The following TUBA8 variants were observed in gnomAD, a reference collection of about 807,000 sequenced individuals.
TUBA8 encodes the protein tubulin alpha 8, also known as tubulin alpha-8 chain.
A neutral mutation model predicts 34.7 loss-of-function variants in TUBA8; 29 were observed. The ratio of observed to expected loss-of-function variants is 0.84; its 90% confidence interval spans 0.62 to 1.14. The LOEUF (loss-of-function observed/expected upper bound fraction) is 1.14. TUBA8 is among the 50% of genes most tolerant of loss of function. TUBA8 has a pLI of 0.00. For missense variants in TUBA8, 541 were observed against 599.2 expected, an observed-to-expected ratio of 0.90 and a Z score of 1.01; for synonymous variants, 226 against 231.2, an observed-to-expected ratio of 0.98 and a Z score of 0.21.
intron 1 of TUBA8, chr22:18,116,272 G>A (rs924631314): frequency 6.6e-6 from 1 of 152,208 alleles, no homozygotes; most frequent in Non-Finnish European, 1.5e-5. Flanking sequence ...TTTCCTGTTT[G>A]GAGTTCTGCT....
chr22:18,121,321 C>G lies in TUBA8; in HGVS notation c.4-158C>G. Reference sequence around the variant, plus strand: ...GTCTTCTTTGGATCTAAGTCCTGGTCCAGCTGCTATAGAGCTGGGGCACCT... The same window carrying G: ...GTCTTCTTTGGATCTAAGTCCTGGTGCAGCTGCTATAGAGCTGGGGCACCT... On this transcript the variant is annotated intron_variant, in intron 1 of 4. Coordinates refer to ENST00000330423, the MANE Select transcript of TUBA8 (RefSeq NM_018943.3). This position sits in a 1 kb window ranked among gnomAD's most constrained non-coding sequence, Gnocchi z 4.8. The G allele has an allele frequency of 1.5e-6, 1 of 663,134 alleles. No homozygotes were observed. The highest frequency in any genetic ancestry group is 1.8e-5 in the South Asian group (1 of 57,076). 41.1% of individuals were successfully genotyped at this position (663,134 alleles called of 1,614,324 possible).
At chr22:18,123,578 G>GT (rs376028231) in intron 2 of TUBA8, 197 of 152,156 alleles carry the variant, frequency 1.3e-3, no homozygotes, top group South Asian at 1.6e-3. Context: ...TTGCTGTTGT[G>GT]TTTTTTTTGG....
At chr22:18,127,583 T>C (rs71328267) in intron 4 of TUBA8, 12,599 of 151,026 alleles carry the variant, frequency 0.083, 580 homozygotes, top group South Asian at 0.2. Flanking sequence ...TTAGTAGAGA[T>C]GGGGTTTCAC....
At position 18,130,312 on chromosome 22, in the gene TUBA8, C is replaced by T. The variant is rs563971689; in HGVS notation, c.1057-531C>T. 5.4e-5 allele frequency: 9 copies of T among 165,186 alleles called. No homozygotes were observed. The South Asian group carries it at 7.8e-4, about 14-fold the overall frequency. The allele number at this position is 165,186 out of a possible 1,614,324, so 10.2% of individuals were successfully genotyped here. Reference sequence around the variant, plus strand: ...ACACATGTACCAGACACCTCCCACCCGCTCCTAATGTCGCTCGTGACTCTC... The same window carrying T: ...ACACATGTACCAGACACCTCCCACCTGCTCCTAATGTCGCTCGTGACTCTC... On this transcript the variant is annotated intron_variant, in intron 4 of 4. Transcript: ENST00000330423.
At chr22:18,127,693 T>TA (rs1491111546) in intron 4 of TUBA8, 1 of 69,590 alleles carries the variant, frequency 1.4e-5, no homozygotes, top group Non-Finnish European at 2.3e-5. Flanking sequence ...GTGCCCGGAC[T>TA]TTTTTTTTTT....
chr22:18,114,457 T>C (rs1927904836), intron 1 of TUBA8: 1 of 152,266 alleles, frequency 6.6e-6, no homozygotes, highest in South Asian at 2.1e-4. Context: ...TTGTTTTTGC[T>C]GTGTCTGGCT....
At chr22:18,128,844 G>C (rs987058744) in intron 4 of TUBA8, 1 of 152,298 alleles carries the variant, frequency 6.6e-6, no homozygotes, top group Non-Finnish European at 1.5e-5. Flanking sequence ...ACCAAGCCTG[G>C]CCCCTAGTCA....
chr22:18,125,968 C>T, intron 3 of TUBA8: 1 of 282,178 alleles, frequency 3.5e-6, no homozygotes, highest in Non-Finnish European at 6.8e-6. Context: ...CTCAAGTGAT[C>T]CTCCCACCTC....
Position 18,124,619 on chromosome 22 carries a change from A to G in TUBA8, c.375+315A>G. 1 of 278,140 alleles carries G rather than the reference A, an allele frequency of 3.6e-6. No homozygotes were observed. Among genetic ancestry groups the G allele is most frequent in the Non-Finnish European group, 6.8e-6 (1 of 146,270 alleles). The allele number at this position is 278,140 out of a possible 1,614,324, so 17.2% of individuals were successfully genotyped here. A position where few individuals can be genotyped will look rare whatever the true frequency, so the allele number is the denominator to read the frequency against. ...TGCTGGTCGGAAACACAGGTTAACAAAGCATTTAACTTGGAAGAGGAGAGG... is the reference window on the plus strand; with the variant it reads ...TGCTGGTCGGAAACACAGGTTAACAGAGCATTTAACTTGGAAGAGGAGAGG... On this transcript the variant is annotated intron_variant, in intron 3 of 4. Coordinates refer to ENST00000330423, the MANE Select transcript of TUBA8 (RefSeq NM_018943.3). This position sits in a 1 kb window ranked among gnomAD's most constrained non-coding sequence, Gnocchi z 4.3.
chr22:18,116,749 C>T (rs553997118), intron 1 of TUBA8: 3 of 152,372 alleles, frequency 2.0e-5, no homozygotes, highest in South Asian at 4.1e-4. Context: ...ACTTCCAGGC[C>T]GAAGGCTGGG....
rs1928352147 is a variant in TUBA8 at position 18,127,004 on chromosome 22, G to A, written c.1026G>A (p.Gln342=). The change falls in exon 4 of 5, where the codon CAG becomes CAA. Residue 342 remains glutamine (Q), a synonymous_variant. Coordinates refer to ENST00000330423, the MANE Select transcript of TUBA8 (RefSeq NM_018943.3). ...IAAIKTKRTI[Q]FVDWCPTGFK... is the part of the protein sequence containing the mutation. ...CCATCAAGACCAAGAGGACCATCCA[G>A]TTTGTAGACTGGTGTCCCACAGGCT... 1.9e-6 allele frequency: 3 copies of A among 1,614,150 alleles called. No homozygotes were observed. The East Asian group carries it at 6.7e-5, about 36-fold the overall frequency.
Position 18,121,575 on chromosome 22 carries a change from G to C in TUBA8, c.100G>C (p.Gly34Arg). Residue 34 changes from glycine to arginine, a missense_variant, in exon 2 of 5, where the codon GGC (glycine) becomes CGC (arginine). Transcript: ENST00000330423. This position sits in a 1 kb window ranked among gnomAD's most constrained non-coding sequence, Gnocchi z 4.8. ...CCTGGAACACGGCATCCAGGCAGACGGCACTTTTGATGCTCAAGCTAGCAA... is the reference window on the plus strand; with the variant it reads ...CCTGGAACACGGCATCCAGGCAGACCGCACTTTTGATGCTCAAGCTAGCAA... ...FCLEHGIQAD[G>R]TFDAQASKIN... 3.7e-6 allele frequency: 6 copies of C among 1,614,206 alleles called. No homozygotes were observed. Among genetic ancestry groups the C allele is most frequent in the Non-Finnish European group, 5.1e-6 (6 of 1,180,034 alleles).
chr22:18,126,373 T>C lies in TUBA8; in HGVS notation c.395T>C (p.Leu132Pro), dbSNP rs1286210538. ...IRKLTDACSGLQGFLIFHSFG... is the reference protein window; with the variant it reads ...IRKLTDACSGPQGFLIFHSFG... ...CCCTAGACAGATGCTTGCTCTGGCC[T>C]GCAGGGCTTCCTGATTTTCCACAGT... Residue 132 changes from leucine (L) to proline (P), a missense_variant, in exon 4 of 5, where the codon CTG (leucine) becomes CCG (proline). By Grantham distance (98) the Leu-to-Pro change is moderately conservative. Transcript: ENST00000330423. The surrounding 1 kb of genome is among the most constrained non-coding windows in gnomAD (Gnocchi z 4.0). 1.4e-5 allele frequency: 23 copies of C among 1,614,222 alleles called. No homozygotes were observed. Among genetic ancestry groups the C allele is most frequent in the Non-Finnish European group, 1.9e-5 (22 of 1,180,034 alleles).
At chr22:18,130,372 T>G (rs1022372191) in intron 4 of TUBA8, 2 of 191,686 alleles carry the variant, frequency 1.0e-5, no homozygotes, top group African/African-American at 4.7e-5. Flanking sequence ...ATACCAGCCC[T>G]GTCCTCCTTC....
chr22:18,121,507 A>G lies in TUBA8; in HGVS notation c.32A>G (p.Gln11Arg). 3 of 1,614,192 alleles carry G rather than the reference A, an allele frequency of 1.9e-6. No homozygotes were observed. Among genetic ancestry groups the G allele is most frequent in the Non-Finnish European group, 2.5e-6 (3 of 1,180,040 alleles). Residue 11 changes from glutamine (Q) to arginine (R), a missense_variant, in exon 2 of 5, where the codon CAA becomes CGA. Gln to Arg is a conservative substitution (Grantham distance 43). Transcript: ENST00000330423. This position sits in a 1 kb window ranked among gnomAD's most constrained non-coding sequence, Gnocchi z 4.8. ...GAATGCATATCAGTCCACGTGGGCC[A>G]AGCGGGAGTTCAGATTGGCAATGCC... MRECISVHVG[Q>R]AGVQIGNACW...
At position 18,111,147 on chromosome 22, in the gene TUBA8, G is replaced by A; in HGVS notation, c.3+279G>A. On this transcript the variant is annotated intron_variant, in intron 1 of 4. Coordinates refer to ENST00000330423, the MANE Select transcript of TUBA8 (RefSeq NM_018943.3). The surrounding 1 kb of genome is among the most constrained non-coding windows in gnomAD (Gnocchi z 5.1). ...GGGGGAGGGAGGCCCTGGGGAGCCC[G>A]ACGGAGAAGGGGGCGAGATTCTGGG... 2 of 569,402 alleles carry A rather than the reference G, an allele frequency of 3.5e-6. No homozygotes were observed. Among genetic ancestry groups the A allele is most frequent in the South Asian group, 4.4e-5 (2 of 45,090 alleles). 35.3% of individuals were successfully genotyped at this position (569,402 alleles called of 1,614,324 possible). A position where few individuals can be genotyped will look rare whatever the true frequency, so the allele number is the denominator to read the frequency against.
In TUBA8 at chr22:18,121,370, T is replaced by TG; in HGVS notation, c.4-103dup. On this transcript the variant is annotated intron_variant, in intron 1 of 4. Coordinates refer to ENST00000330423, the MANE Select transcript of TUBA8 (RefSeq NM_018943.3). This position sits in a 1 kb window ranked among gnomAD's most constrained non-coding sequence, Gnocchi z 4.8. ...CTGCAGCCTCAACGCCAACTGGCAA[T>TG]GGGGGGCTGGGGCCTGGCTGGCCTG... 1 of 965,104 alleles carries TG rather than the reference T, an allele frequency of 1.0e-6. No individual in the cohort carries two copies. The highest frequency in any genetic ancestry group is 1.7e-6 in the Non-Finnish European group (1 of 599,414). The allele number at this position is 965,104 out of a possible 1,614,324, so 59.8% of individuals were successfully genotyped here. A position where few individuals can be genotyped will look rare whatever the true frequency, so the allele number is the denominator to read the frequency against.
At chr22:18,125,453 T>C (rs1240508131) in intron 3 of TUBA8, 1 of 147,644 alleles carries the variant, frequency 6.8e-6, no homozygotes, top group Non-Finnish European at 1.5e-5. Flanking sequence ...AGGCGGAGTT[T>C]GCAGTGAACC....
chr22:18,115,294 T>G (rs1179586843), intron 1 of TUBA8: 1 of 152,446 alleles, frequency 6.6e-6, no homozygotes, highest in Non-Finnish European at 1.5e-5. Context: ...TTCTTCAGGG[T>G]CCCTGCGAAT....
Sources: allele counts gnomAD v4.1 joint callset, GRCh38; gene constraint gnomAD v4.1.1; non-coding constraint Gnocchi (gnomAD v3.1); transcripts MANE v1.5; gene names NCBI Gene and HGNC (gene_info 2026-07-23, HGNC 2026-07-21).